The following VTA1 variants were observed in gnomAD, a reference collection of about 807,000 sequenced individuals.
The protein encoded by VTA1 is vesicle trafficking 1, also known as vacuolar protein sorting-associated protein VTA1 homolog.
In VTA1, 24 loss-of-function variants were observed where a neutral mutation model predicts 36.9. The observed-to-expected ratio is 0.65, with a 90% CI of 0.47 to 0.91. The LOEUF (loss-of-function observed/expected upper bound fraction) is 0.91. VTA1 is among the 40% of genes least tolerant of loss of function. The pLI, the probability that VTA1 is intolerant of heterozygous loss-of-function variation, is 0.00. For synonymous variants in VTA1, 142 were observed against 130.2 expected (o/e 1.09, Z -0.62); for missense variants, 393 against 377.2 (o/e 1.04, Z -0.35).
intron 1 of VTA1, among the ~76,000 whole-genome samples, chr6:142,165,501 A>G (rs775872048): frequency 5.3e-5 from 8 of 152,202 alleles, no homozygotes; most frequent in Non-Finnish European, 8.8e-5. Flanking sequence ...AAAATTTGAG[A>G]GCTACCTAAA....
At chr6:142,176,018 A>C (rs562886465) in intron 4 of VTA1, among the ~76,000 whole-genome samples, 125 of 152,230 alleles carry the variant, frequency 8.2e-4, no homozygotes, top group African/African-American at 2.9e-3. Context: ...CTCTGTTGTT[A>C]CATAAACTGT....
chr6:142,163,235 G>A (rs769937097), intron 1 of VTA1, among the ~76,000 whole-genome samples: 1 of 151,974 alleles, frequency 6.6e-6, no homozygotes, highest in Non-Finnish European at 1.5e-5. Context: ...CACTTCCAAG[G>A]TTGCTTTGTA....
In VTA1 at chr6:142,221,697, C is replaced by T. The variant is rs183471946; in HGVS notation, c.*3054C>T. On this transcript the variant is annotated 3_prime_UTR_variant, in exon 8 of 8. Coordinates refer to ENST00000367630, the MANE Select transcript of VTA1 (RefSeq NM_016485.5). ...GGCCGGGGGCGGTGGTTCGCACCTG[C>T]AATCCCAGCACTTTGGGAGCCAAGG... The T allele has an allele frequency of 2.0e-5, 3 of 151,286 alleles. No homozygotes were observed. Among genetic ancestry groups the T allele is most frequent in the Admixed American group, 2.0e-4 (3 of 15,148 alleles). 9.4% of individuals were successfully genotyped at this position (151,286 alleles called of 1,614,324 possible).
chr6:142,166,418 G>A, intron 2 of VTA1, 96 bp downstream of exon 2: 2 of 866,758 alleles, frequency 2.3e-6, no homozygotes, highest in South Asian at 3.9e-5. Context: ...CTTTCCCTTG[G>A]CAACAATCAA....
chr6:142,180,510 T>C (rs1359482220), intron 4 of VTA1, among the ~76,000 whole-genome samples: 1 of 152,172 alleles, frequency 6.6e-6, no homozygotes, highest in Non-Finnish European at 1.5e-5. Flanking sequence ...AGTGATAAAA[T>C]TAAATTATTA....
intron 5 of VTA1, among the ~76,000 whole-genome samples, chr6:142,192,390 A>G (rs1775471826): frequency 6.6e-6 from 1 of 152,158 alleles, no homozygotes; most frequent in South Asian, 2.1e-4. Context: ...TTTGACTTAC[A>G]GTGGGTTTTT....
At chr6:142,178,372 A>T (rs1410206166) in intron 4 of VTA1, among the ~76,000 whole-genome samples, 2 of 152,160 alleles carry the variant, frequency 1.3e-5, no homozygotes, top group African/African-American at 2.4e-5. Context: ...TGTGCTTCAA[A>T]AAATGAAGGT....
At chr6:142,198,723 T>G (rs1775619759) in intron 6 of VTA1, 108 bp downstream of exon 6, 1 of 1,031,670 alleles carries the variant, frequency 9.7e-7, no homozygotes, top group African/African-American at 1.6e-5. Flanking sequence ...ACATGACAAG[T>G]TCCTTGAATT....
chr6:142,162,411 A>G (rs1393343141), intron 1 of VTA1, among the ~76,000 whole-genome samples: 1 of 152,226 alleles, frequency 6.6e-6, no homozygotes, highest in African/African-American at 2.4e-5. Flanking sequence ...ACCTGTGGGG[A>G]GATGACACTG....
chr6:142,202,190 G>T (rs1291480456), intron 6 of VTA1, among the ~76,000 whole-genome samples: 1 of 151,810 alleles, frequency 6.6e-6, no homozygotes, highest in Non-Finnish European at 1.5e-5. Flanking sequence ...GCCTTTCAGT[G>T]TTTGGCAAGT....
At position 142,169,599 on chromosome 6, in the gene VTA1, G is replaced by T. The variant is rs1331670448; in HGVS notation, c.257G>T (p.Gly86Val). The T allele has an allele frequency of 1.2e-6, 2 of 1,609,868 alleles. No homozygotes were observed. Among genetic ancestry groups the T allele is most frequent in the Admixed American group, 1.7e-5 (1 of 58,794 alleles). ...DNEAITQEIV[G>V]CAHLENYALK... ...GAAGCTATTACTCAAGAAATAGTGG[G>T]CTGTGCCCATTTGGAGAATTATGCT... The change falls in exon 3 of 8, where the codon GGC becomes GTC. Residue 86 changes from glycine to valine, a missense_variant. Physicochemically the swap from Gly to Val is moderately radical, Grantham distance 109. Transcript: ENST00000367630.
At chr6:142,195,763 G>C (rs914536797) in intron 5 of VTA1, among the ~76,000 whole-genome samples, 1 of 151,308 alleles carries the variant, frequency 6.6e-6, no homozygotes, top group Non-Finnish European at 1.5e-5. Context: ...CATAATTATA[G>C]TTTTCTTTGT....
At chr6:142,163,440 G>T (rs1367427836) in intron 1 of VTA1, among the ~76,000 whole-genome samples, 2 of 152,130 alleles carry the variant, frequency 1.3e-5, no homozygotes, top group Admixed American at 1.3e-4. Flanking sequence ...TTGCTTTGGA[G>T]AATACTGGGA....
intron 7 of VTA1, among the ~76,000 whole-genome samples, chr6:142,211,829 G>A (rs1449018815): frequency 6.6e-6 from 1 of 151,744 alleles, no homozygotes; most frequent in African/African-American, 2.4e-5. Flanking sequence ...GAACAATAAC[G>A]CAGACAACCC....
rs1312972659 is a variant in VTA1 at position 142,224,646 on chromosome 6, AT to A, written c.*6004del. 6.6e-6 allele frequency: 1 copy of A among 152,204 alleles called. No individual in the cohort carries two copies. The allele number at this position is 152,204 out of a possible 1,614,324, so 9.4% of individuals were successfully genotyped here. A position where few individuals can be genotyped will look rare whatever the true frequency, so the allele number is the denominator to read the frequency against. ...AATAAATATACGAATGGGCAAAAAA[AT>A]ATATACTAAAATGATCAAATAAAGG... On this transcript the variant is annotated 3_prime_UTR_variant, in exon 8 of 8. Transcript: ENST00000367630.
chr6:142,210,973 A>C (rs1227598920), intron 7 of VTA1, among the ~76,000 whole-genome samples: 3 of 152,220 alleles, frequency 2.0e-5, no homozygotes, highest in Non-Finnish European at 4.4e-5. Context: ...ACACAATGGA[A>C]TATTATTCAG....
In VTA1 at chr6:142,218,536, C is replaced by T. The variant is rs540213811; in HGVS notation, c.817C>T (p.Gln273Ter). Residue 273 changes from glutamine (Q) to a stop codon, truncating the protein, a stop_gained, in exon 8 of 8, where the codon CAG (glutamine) becomes TAG (stop). Transcript: ENST00000367630. LOFTEE classifies it high-confidence loss of function. ...RLTPEDFARA[Q>*]KYCKYAGSAL... is the part of the protein sequence containing the mutation. ...AACCCCAGAAGACTTTGCTAGAGCT[C>T]AGAAGTACTGCAAATATGCTGGCAG... 2 of 1,613,500 alleles carry T rather than the reference C, an allele frequency of 1.2e-6. No individual in the cohort carries two copies. Among genetic ancestry groups the T allele is most frequent in the African/African-American group, 1.3e-5 (1 of 74,992 alleles).
intron 4 of VTA1, among the ~76,000 whole-genome samples, chr6:142,185,104 C>T (rs911112011): frequency 2.0e-5 from 3 of 152,104 alleles, no homozygotes; most frequent in African/African-American, 7.2e-5. Flanking sequence ...ACCCATCTTG[C>T]ATGGCCAAAC....
intron 4 of VTA1, among the ~76,000 whole-genome samples, chr6:142,176,770 G>A (rs1420968569): frequency 6.6e-6 from 1 of 152,142 alleles, no homozygotes; most frequent in Non-Finnish European, 1.5e-5. Flanking sequence ...TCAGTATTAT[G>A]TTGTCACAAA....
Sources: gnomAD v4.1 joint callset for allele counts (sites outside exome capture counted in the v4.1 genomes callset) on GRCh38, gnomAD v4.1.1 for gene constraint, MANE v1.5 for transcripts, NCBI Gene and HGNC (gene_info 2026-07-23, HGNC 2026-07-21) for gene names.